PRKCI: variants seen among roughly 807,000 people sequenced by gnomAD.
The protein encoded by PRKCI is protein kinase C iota type.
In PRKCI, 43 loss-of-function variants were observed where a neutral mutation model predicts 84.0. The observed-to-expected ratio is 0.51, with a 90% confidence interval of 0.40 to 0.66. The LOEUF (loss-of-function observed/expected upper bound fraction) is 0.66, where lower values mean the gene tolerates loss of function less well. Ranked by LOEUF, PRKCI falls within the 30% of genes least tolerant of loss-of-function variation. The pLI is 0.00. For missense variants in PRKCI, 459 were observed against 745.6 expected (o/e 0.62, Z 4.48); for synonymous variants, 216 against 234.4 (o/e 0.92, Z 0.72).
At chr3:170,261,206 C>G (rs1445012800) in intron 3 of PRKCI, among the ~76,000 whole-genome samples, 1 of 150,204 alleles carries the variant, frequency 6.7e-6, no homozygotes, top group African/African-American at 2.5e-5. Context: ...CTCAAAGAGT[C>G]CTACCACCTG....
chr3:170,234,174 G>A (rs970166570), intron 1 of PRKCI, among the ~76,000 whole-genome samples: 1 of 151,458 alleles, frequency 6.6e-6, no homozygotes, highest in Non-Finnish European at 1.5e-5. Context: ...TGGGATTACA[G>A]GCATGTGCCA....
chr3:170,292,015 A>T, intron 13 of PRKCI, 74 bp downstream of exon 13: 3 of 996,916 alleles, frequency 3.0e-6, no homozygotes, highest in Non-Finnish European at 4.8e-6. Flanking sequence ...ATTGCATTAC[A>T]GTACACTAAT....
intron 1 of PRKCI, among the ~76,000 whole-genome samples, chr3:170,227,459 A>G (rs1226445099): frequency 1.3e-5 from 2 of 152,224 alleles, no homozygotes; most frequent in Non-Finnish European, 2.9e-5. Context: ...ATTTGCAGGA[A>G]TAGACGTTGG....
chr3:170,297,246 A>G lies in PRKCI; in HGVS notation c.1498-58A>G, dbSNP rs1023768492. On this transcript the variant is annotated intron_variant, in intron 15 of 17. Transcript: ENST00000295797. ...AGGGCACACAACACAGATCACAAAGATGATTTATTTTAAAGCATGACATTC... is the reference window on the plus strand; with the variant it reads ...AGGGCACACAACACAGATCACAAAGGTGATTTATTTTAAAGCATGACATTC... The G allele has an allele frequency of 6.6e-6, 9 of 1,370,060 alleles. No individual in the cohort carries two copies. The Admixed American group carries it at 6.8e-5, about 10-fold the overall frequency. 84.9% of individuals were successfully genotyped at this position (1,370,060 alleles called of 1,614,324 possible).
At chr3:170,270,333 G>T (rs1219122455) in intron 5 of PRKCI, 88 bp from the exon 6 acceptor site, 2 of 1,289,500 alleles carry the variant, frequency 1.6e-6, no homozygotes, top group Non-Finnish European at 1.0e-6. Flanking sequence ...AGTTGACACC[G>T]TGACAAAGGG....
At chr3:170,279,873 T>G (rs1264961773) in intron 8 of PRKCI, among the ~76,000 whole-genome samples, 1 of 152,216 alleles carries the variant, frequency 6.6e-6, no homozygotes, top group Non-Finnish European at 1.5e-5. Context: ...TCCCTGTCAG[T>G]GGTACCCCCA....
In PRKCI at chr3:170,251,149, CAATT is replaced by C. The variant is rs1201568943; in HGVS notation, c.224-8819_224-8816del. 2.0e-5 allele frequency among the ~76,000 whole-genome samples: 3 copies of C among 152,044 alleles called. No homozygotes were observed. The East Asian group carries it at 5.8e-4, about 29-fold the overall frequency. ...AAACTATATAAAGAAACAAGAAACT[CAATT>C]GAGTGTCATAAAACGAAACTTGAAT... is the stretch of plus-strand genomic sequence containing the variant. On this transcript the variant is annotated intron_variant, in intron 2 of 17. Transcript: ENST00000295797.
At position 170,303,479 on chromosome 3, in the gene PRKCI, C is replaced by A. The variant is rs1734874092; in HGVS notation, c.*352C>A. 1 of 236,612 alleles carries A rather than the reference C, an allele frequency of 4.2e-6. No homozygotes were observed. The highest frequency in any genetic ancestry group is 8.2e-6 in the Non-Finnish European group (1 of 121,684). 14.7% of individuals were successfully genotyped at this position (236,612 alleles called of 1,614,324 possible). ...GCACATAGTGGGATTACATCATAAA[C>A]CTCCCATAATTTTTGTCATTCTGTG... On this transcript the variant is annotated 3_prime_UTR_variant, in exon 18 of 18. Coordinates refer to ENST00000295797, the MANE Select transcript of PRKCI (RefSeq NM_002740.6).
Position 170,303,110 on chromosome 3 carries a change from G to A in PRKCI, c.1774G>A (p.Ala592Thr). 2 of 1,600,148 alleles carry A rather than the reference G, an allele frequency of 1.2e-6. No individual in the cohort carries two copies. Among genetic ancestry groups the A allele is most frequent in the Non-Finnish European group, 8.5e-7 (1 of 1,173,178 alleles). Residue 592 changes from alanine (A) to threonine (T), a missense_variant, in exon 18 of 18, where the codon GCA (alanine) becomes ACA (threonine). Transcript: ENST00000295797. ...GTATATCAATCCTCTTTTGATGTCT[G>A]CAGAAGAATGTGTCTGATCCTCATT... ...FEYINPLLMS[A>T]EECV
At position 170,278,939 on chromosome 3, in the gene PRKCI, C is replaced by G. The variant is rs144323799; in HGVS notation, c.706-1288C>G. 9.5e-4 allele frequency among the ~76,000 whole-genome samples: 145 copies of G among 152,298 alleles called. 1 individual carries two copies. The highest frequency in any genetic ancestry group is 3.4e-3 in the African/African-American group (140 of 41,570). On this transcript the variant is annotated intron_variant, in intron 8 of 17. Transcript: ENST00000295797. ...GGAATCTGTCCCTGTGACCCAAACA[C>G]CTCCCACTAGGGATCACATTTCAGC... is the stretch of plus-strand genomic sequence containing the variant.
At chr3:170,251,475 A>G (rs1733442613) in intron 2 of PRKCI, among the ~76,000 whole-genome samples, 1 of 152,218 alleles carries the variant, frequency 6.6e-6, no homozygotes, top group Non-Finnish European at 1.5e-5. Flanking sequence ...TAGATGAAAA[A>G]TCTACATAAT....
intron 2 of PRKCI, among the ~76,000 whole-genome samples, chr3:170,257,517 TAAAGAG>T (rs1024620277): frequency 3.9e-5 from 6 of 152,132 alleles, no homozygotes; most frequent in African/African-American, 1.4e-4. Context: ...TTTAAAATAT[TAAAGAG>T]AAGTATGAAG....
chr3:170,229,546 C>T (rs940321262), intron 1 of PRKCI, among the ~76,000 whole-genome samples: 1 of 152,218 alleles, frequency 6.6e-6, no homozygotes, highest in Non-Finnish European at 1.5e-5. Flanking sequence ...ATTCTCCTGC[C>T]TCGGCCTCTC....
intron 2 of PRKCI, among the ~76,000 whole-genome samples, chr3:170,251,840 G>T (rs921402536): frequency 6.6e-6 from 1 of 151,866 alleles, no homozygotes; most frequent in Non-Finnish European, 1.5e-5. Context: ...AACCCAGGAA[G>T]TGGAGGTTGC....
chr3:170,269,068 A>G (rs907544897), intron 5 of PRKCI, among the ~76,000 whole-genome samples: 2 of 151,906 alleles, frequency 1.3e-5, no homozygotes, highest in Admixed American at 1.3e-4. Context: ...GCATCAGCCA[A>G]CAGGCCTGGC....
chr3:170,231,154 T>C (rs138707348), intron 1 of PRKCI, among the ~76,000 whole-genome samples: 1,834 of 151,874 alleles, frequency 0.012, 41 homozygotes, highest in African/African-American at 0.042. Context: ...GAAAATGGGG[T>C]TTCACCATGT....
chr3:170,268,996 C>G (rs563963737), intron 5 of PRKCI, among the ~76,000 whole-genome samples: 1 of 152,208 alleles, frequency 6.6e-6, no homozygotes, highest in South Asian at 2.1e-4. Flanking sequence ...CTCACTGCAA[C>G]CTGCATCTCT....
chr3:170,260,254 A>G (rs995229202), intron 3 of PRKCI, among the ~76,000 whole-genome samples, 196 bp downstream of exon 3: 3 of 152,006 alleles, frequency 2.0e-5, no homozygotes, highest in African/African-American at 7.3e-5. Flanking sequence ...TAGTCTGGGG[A>G]ATTTTGTGGT....
chr3:170,262,365 A>G (rs542144224), intron 3 of PRKCI, among the ~76,000 whole-genome samples: 10 of 152,310 alleles, frequency 6.6e-5, no homozygotes, highest in African/African-American at 2.4e-4. Context: ...TATACCAAGG[A>G]TTTAAGGCGA....
Sources: gnomAD v4.1 joint callset for allele counts (sites outside exome capture counted in the v4.1 genomes callset) on GRCh38, gnomAD v4.1.1 for gene constraint, MANE v1.5 for transcripts, NCBI Gene and HGNC (gene_info 2026-07-23, HGNC 2026-07-21) for gene names.